Variants in GRID2 observed in about 807,000 individuals in gnomAD.
The protein encoded by GRID2 is glutamate ionotropic receptor delta type subunit 2.
GRID2 carries 33 observed loss-of-function variants against 114.8 expected under a neutral mutation model. The ratio of observed to expected loss-of-function variants is 0.29; its 90% CI spans 0.22 to 0.38. The LOEUF (loss-of-function observed/expected upper bound fraction) is 0.38. Ranked by LOEUF, GRID2 falls within the 10% of genes least tolerant of loss-of-function variation. GRID2 has a pLI of 1.00. For missense variants in GRID2, 1,184 were observed against 1,257.7 expected (o/e 0.94, Z 0.89); for synonymous variants, 505 against 449.9 (o/e 1.12, Z -1.55).
At chr4:93,755,856 G>T (rs1284968709) in intron 14 of GRID2, among the ~76,000 whole-genome samples, 4 of 152,110 alleles carry the variant, frequency 2.6e-5, no homozygotes, top group African/African-American at 9.7e-5. Flanking sequence ...AAACAATTCA[G>T]TTTCTTCAGT....
intron 1 of GRID2, among the ~76,000 whole-genome samples, chr4:92,562,668 G>A (rs1349365634): frequency 1.3e-5 from 2 of 152,100 alleles, no homozygotes; most frequent in Non-Finnish European, 2.9e-5. Context: ...ACATAGATGG[G>A]CAATGAGTAT....
chr4:92,817,180 A>T (rs1324417352), intron 2 of GRID2, among the ~76,000 whole-genome samples: 1 of 151,964 alleles, frequency 6.6e-6, no homozygotes, highest in Non-Finnish European at 1.5e-5. Flanking sequence ...CCTTCCTCAT[A>T]TTCACCCTTA....
chr4:92,454,714 T>C (rs1721117427), intron 1 of GRID2, among the ~76,000 whole-genome samples: 1 of 152,172 alleles, frequency 6.6e-6, no homozygotes, highest in South Asian at 2.1e-4. Flanking sequence ...CAGGCGCCTG[T>C]AGTCCCAGCT....
intron 4 of GRID2, among the ~76,000 whole-genome samples, chr4:93,185,958 C>T (rs1560963503): frequency 6.6e-6 from 1 of 152,062 alleles, no homozygotes; most frequent in African/African-American, 2.4e-5. Context: ...CAAGTGTTCT[C>T]ATTGTTGAAT....
chr4:92,478,798 A>G lies in GRID2; in HGVS notation c.89-111333A>G, dbSNP rs1722442060. On this transcript the variant is annotated intron_variant, in intron 1 of 15. Coordinates refer to ENST00000282020, the MANE Select transcript of GRID2 (RefSeq NM_001510.4). ...CTCTTCCTTCTGTACGCCTCTCCCA[A>G]TATAGAATTTCAAATTTGTCATCAA... Among the ~76,000 whole-genome samples, 5 of 152,056 alleles carry G rather than the reference A, an allele frequency of 3.3e-5. No individual in the cohort carries two copies. The South Asian group carries it at 1.0e-3, about 32-fold the overall frequency.
chr4:93,051,639 G>T (rs2149281294), intron 2 of GRID2, among the ~76,000 whole-genome samples: 2 of 152,112 alleles, frequency 1.3e-5, no homozygotes, highest in African/African-American at 4.8e-5. Context: ...ATTCTGAAAG[G>T]AGTATCTTTC....
rs191734261 is a variant in GRID2 at position 93,090,878 on chromosome 4, C to T, written c.529+5599C>T. On this transcript the variant is annotated intron_variant, in intron 3 of 15. Coordinates refer to ENST00000282020, the MANE Select transcript of GRID2 (RefSeq NM_001510.4). ...AATATTACCTCCTATGTGACCTCCT[C>T]GCCCTCTGGTAACGCCAGGTGTTCT... Among the ~76,000 whole-genome samples the T allele has an allele frequency of 1.1e-4, 16 of 152,242 alleles. No homozygotes were observed. In the East Asian group the frequency reaches 2.9e-3, roughly 28 times the overall value.
chr4:92,446,666 C>G (rs1323775366), intron 1 of GRID2, among the ~76,000 whole-genome samples: 1 of 152,190 alleles, frequency 6.6e-6, no homozygotes, highest in Admixed American at 6.5e-5. Context: ...AGTTACTATC[C>G]AGTGGCTCTA....
At chr4:92,987,625 TGAAAA>T (rs1754591265) in intron 2 of GRID2, among the ~76,000 whole-genome samples, 3 of 151,882 alleles carry the variant, frequency 2.0e-5, no homozygotes, top group Admixed American at 1.3e-4. Flanking sequence ...AATAAATAAA[TGAAAA>T]GAAAAAATAA....
At chr4:93,655,027 C>T (rs1006922137) in intron 14 of GRID2, among the ~76,000 whole-genome samples, 2 of 152,090 alleles carry the variant, frequency 1.3e-5, no homozygotes, top group Admixed American at 1.3e-4. Context: ...GACCTGTGCC[C>T]CATTTGGCTG....
rs12646421 is a variant in GRID2 at position 93,316,283 on chromosome 4, C to T, written c.1245+77793C>T. Among the ~76,000 whole-genome samples the T allele has an allele frequency of 2.7e-4, 26 of 97,736 alleles. No homozygotes were observed. The East Asian group carries it at 3.0e-3, about 11-fold the overall frequency. The allele number at this position is 97,736 out of a possible 152,430, so 64.1% of individuals were successfully genotyped here. On this transcript the variant is annotated intron_variant, in intron 8 of 15. Transcript: ENST00000282020. The stretch of plus-strand genomic sequence containing the variant: ...AAAGAAAGAGAAAGAAAGAAAAGAA[C>T]GAAAGAACGAAAGAAAGAAAGAAAG...
At chr4:93,646,465 G>A (rs2149715190) in intron 14 of GRID2, among the ~76,000 whole-genome samples, 1 of 152,270 alleles carries the variant, frequency 6.6e-6, no homozygotes, top group South Asian at 2.1e-4. Flanking sequence ...CATATAAAAG[G>A]AGATTAAAGA....
At chr4:93,365,028 A>G (rs146583443) in intron 8 of GRID2, among the ~76,000 whole-genome samples, 1 of 151,852 alleles carries the variant, frequency 6.6e-6, no homozygotes, top group East Asian at 1.9e-4. Context: ...CTCATCTTTT[A>G]TATCATTACC....
At chr4:93,211,680 AGCAGAGGTATAATTTCTTTT>A (rs1414833482) in intron 5 of GRID2, among the ~76,000 whole-genome samples, 2 of 152,152 alleles carry the variant, frequency 1.3e-5, no homozygotes, top group African/African-American at 4.8e-5. Context: ...CTTGTCTTCC[AGCAGAGGTATAATTTCTTTT>A]GGGCAAGCCA....
At chr4:92,382,274 G>A (rs1406124359) in intron 1 of GRID2, among the ~76,000 whole-genome samples, 1 of 151,856 alleles carries the variant, frequency 6.6e-6, no homozygotes, top group African/African-American at 2.4e-5. Flanking sequence ...TATATCCATG[G>A]CAACAGCATA....
At chr4:92,944,523 G>A (rs902935430) in intron 2 of GRID2, among the ~76,000 whole-genome samples, 14 of 152,180 alleles carry the variant, frequency 9.2e-5, no homozygotes, top group African/African-American at 2.2e-4. Flanking sequence ...TACACTTCCC[G>A]GTTGAGGCGA....
chr4:93,689,707 T>G (rs145351350), intron 14 of GRID2, among the ~76,000 whole-genome samples: 5 of 152,254 alleles, frequency 3.3e-5, no homozygotes, highest in African/African-American at 1.2e-4. Flanking sequence ...GAAAACATAG[T>G]CTTTTGGCAT....
intron 14 of GRID2, among the ~76,000 whole-genome samples, chr4:93,656,009 TAAAAG>T (rs1411454406): frequency 6.6e-6 from 1 of 150,512 alleles, no homozygotes; most frequent in Non-Finnish European, 1.5e-5. Context: ...CTGAGATACT[TAAAAG>T]AACTCAAAAG....
intron 8 of GRID2, among the ~76,000 whole-genome samples, chr4:93,329,592 C>T (rs1167567004): frequency 6.6e-6 from 1 of 152,108 alleles, no homozygotes; most frequent in African/African-American, 2.4e-5. Context: ...AGAGATGACT[C>T]TGTTATTACT....
Sources: allele counts gnomAD v4.1 joint callset (sites outside exome capture counted in the v4.1 genomes callset), GRCh38; gene constraint gnomAD v4.1.1; transcripts MANE v1.5; gene names NCBI Gene and HGNC (gene_info 2026-07-23, HGNC 2026-07-21).